The following ARHGEF17 variants were observed in gnomAD, a reference collection of about 807,000 sequenced individuals.
The protein encoded by ARHGEF17 is Rho guanine nucleotide exchange factor 17.
A neutral mutation model predicts 174.0 loss-of-function variants in ARHGEF17; 80 were observed. That is an observed-to-expected ratio of 0.46 (90% CI 0.38 to 0.55). ARHGEF17 has a LOEUF of 0.55. ARHGEF17 is among the 20% of genes least tolerant of loss of function. ARHGEF17 has a pLI of 0.00. For synonymous variants in ARHGEF17, 1,311 were observed against 1,189.1 expected, an observed-to-expected ratio of 1.10 and a Z score of -2.11; for missense variants, 2,886 against 2,839.7, an observed-to-expected ratio of 1.02 and a Z score of -0.37.
At chr11:73,356,585 G>A in intron 6 of ARHGEF17, 124 bp from the exon 7 acceptor site, 2 of 1,319,750 alleles carry the variant, frequency 1.5e-6, no homozygotes, top group Non-Finnish European at 2.1e-6. Flanking sequence ...GGCATTGAGG[G>A]TGGGAAGCAT....
chr11:73,340,958 C>T (rs1349468942), intron 1 of ARHGEF17, among the ~76,000 whole-genome samples: 14 of 152,192 alleles, frequency 9.2e-5, no homozygotes, highest in Admixed American at 9.2e-4. Context: ...AGGCAGAGAG[C>T]TATTCAGGCT....
Position 73,309,522 on chromosome 11 carries a change from T to G in ARHGEF17, c.884T>G (p.Leu295Arg). Residue 295 changes from leucine to arginine, a missense_variant, in exon 1 of 21, where the codon CTC (leucine) becomes CGC (arginine). By Grantham distance (102) the Leu-to-Arg change is moderately radical. This residue lies in a region of ARHGEF17 where 1,728 missense variants were observed against 1,461.2 expected (regional missense o/e 1.18). Transcript: ENST00000263674. ...CACCGCTGGGGAGGGAGGCCCGGGC[T>G]CAGGCCTGGAAGCTCCCTATTGGAT... Reference protein sequence around the residue: ...GGHRWGGRPGLRPGSSLLDQD... With the variant: ...GGHRWGGRPGRRPGSSLLDQD... 2 of 1,569,350 alleles carry G rather than the reference T, an allele frequency of 1.3e-6. No individual in the cohort carries two copies. Among genetic ancestry groups the G allele is most frequent in the Non-Finnish European group, 1.7e-6 (2 of 1,153,752 alleles).
At position 73,362,207 on chromosome 11, in the gene ARHGEF17, G is replaced by A; in HGVS notation, c.4662G>A (p.Gly1554=). Residue 1554 remains glycine, a synonymous_variant, in exon 13 of 21, where the codon GGG becomes GGA. Transcript: ENST00000263674. The part of the protein sequence containing the change: ...AVCSARILCI[G]AVPGLQPRCH... ...GTTCCGCCCGCATCCTCTGCATCGG[G>A]GCGGTGCCCGGGCTGCAGCCTCGCT... 1 of 1,554,928 alleles carries A rather than the reference G, an allele frequency of 6.4e-7. No homozygotes were observed. Among genetic ancestry groups the A allele is most frequent in the Non-Finnish European group, 8.7e-7 (1 of 1,154,950 alleles).
intron 1 of ARHGEF17, among the ~76,000 whole-genome samples, chr11:73,331,840 C>T (rs572480165): frequency 3.3e-5 from 5 of 152,256 alleles, no homozygotes; most frequent in African/African-American, 9.6e-5. Context: ...GCATCAGAGC[C>T]CAAAGGATTT....
Position 73,365,946 on chromosome 11 carries a change from A to C in ARHGEF17, c.5994A>C (p.Thr1998=), listed in dbSNP as rs1345452699. The C allele has an allele frequency of 6.3e-7, 1 of 1,599,980 alleles. No individual in the cohort carries two copies. The highest frequency in any genetic ancestry group is 8.5e-7 in the Non-Finnish European group (1 of 1,177,976). The part of the protein sequence containing the change: ...LCPTPPPPPD[T]GPEKLPSLEH... Reference sequence around the variant, plus strand: ...CAACCCCACCACCTCCCCCAGACACAGGTGGGTCAGTGCATCATACCCCAA... The same window carrying C: ...CAACCCCACCACCTCCCCCAGACACCGGTGGGTCAGTGCATCATACCCCAA... The change falls in exon 20 of 21, where the codon ACA becomes ACC. Residue 1998 remains threonine (T), a splice_region_variant and synonymous_variant. Coordinates refer to ENST00000263674, the MANE Select transcript of ARHGEF17 (RefSeq NM_014786.4). The surrounding 1 kb of genome is among the most constrained non-coding windows in gnomAD (Gnocchi z 4.9).
chr11:73,355,621 C>T lies in ARHGEF17; in HGVS notation c.3542C>T (p.Ala1181Val). The T allele has an allele frequency of 5.0e-6, 8 of 1,614,078 alleles. No individual in the cohort carries two copies. Among genetic ancestry groups the T allele is most frequent in the Non-Finnish European group, 5.9e-6 (7 of 1,179,926 alleles). ...GATGCTGTGCGTGTGGCCAAGGAGG[C>T]GAGGCCTGCCTTTCTCAAGTTCCTA... The part of the protein sequence containing the change: ...AKDAVRVAKE[A>V]RPAFLKFLEQ... Residue 1181 changes from alanine (A) to valine (V), a missense_variant, in exon 4 of 21, where the codon GCG becomes GTG. Ala to Val is a moderately conservative substitution (Grantham distance 64). This residue lies in a region of ARHGEF17 where 353 missense variants were observed against 470.3 expected (regional missense o/e 0.75). Coordinates refer to ENST00000263674, the MANE Select transcript of ARHGEF17 (RefSeq NM_014786.4).
intron 14 of ARHGEF17, 133 bp from the exon 15 acceptor site, chr11:73,363,073 G>C: frequency 7.9e-7 from 1 of 1,272,376 alleles, no homozygotes; most frequent in Non-Finnish European, 1.1e-6. Flanking sequence ...CAGCAGACCG[G>C]AGCAGGCCGG....
At chr11:73,340,056 G>A (rs57417688) in intron 1 of ARHGEF17, among the ~76,000 whole-genome samples, 3,276 of 152,268 alleles carry the variant, frequency 0.022, 124 homozygotes, top group African/African-American at 0.075. Context: ...TAGGGGTACC[G>A]TGGCCCACCT....
At position 73,362,550 on chromosome 11, in the gene ARHGEF17, G is replaced by T. The variant is rs770889670; in HGVS notation, c.4812G>T (p.Pro1604=). ...EEAATLAEPG[P]QPCLHISIAG... is the part of the protein sequence containing the mutation. ...CCGCGACGCTCGCGGAGCCGGGGCC[G>T]CAGCCCTGCCTTCACATCTCCATTG... is the stretch of plus-strand genomic sequence containing the variant. Residue 1604 remains proline (P), a synonymous_variant, in exon 14 of 21, where the codon CCG becomes CCT. Coordinates refer to ENST00000263674, the MANE Select transcript of ARHGEF17 (RefSeq NM_014786.4). 1.2e-6 allele frequency: 2 copies of T among 1,608,014 alleles called. No homozygotes were observed. Among genetic ancestry groups the T allele is most frequent in the African/African-American group, 1.3e-5 (1 of 75,034 alleles).
At chr11:73,346,016 T>C (rs1031832036) in intron 1 of ARHGEF17, among the ~76,000 whole-genome samples, 2 of 151,726 alleles carry the variant, frequency 1.3e-5, no homozygotes, top group Admixed American at 1.3e-4. Flanking sequence ...GTAAGTTCAG[T>C]CCCAGGGGCT....
In ARHGEF17 at chr11:73,365,446, C is replaced by T. The variant is rs374267409; in HGVS notation, c.5607C>T (p.Ser1869=). The change falls in exon 19 of 21, where the codon TCC becomes TCT. Residue 1869 remains serine (S), a synonymous_variant. Coordinates refer to ENST00000263674, the MANE Select transcript of ARHGEF17 (RefSeq NM_014786.4). The surrounding 1 kb of genome is among the most constrained non-coding windows in gnomAD (Gnocchi z 4.9). ...SSRCVACMVD[S]SLGVWVTLKG... ...GCTGCGTGGCTTGCATGGTGGACTCCAGCCTGGGTGTGTGGGTGACATTGA... is the reference window on the plus strand; with the variant it reads ...GCTGCGTGGCTTGCATGGTGGACTCTAGCCTGGGTGTGTGGGTGACATTGA... 1.7e-5 allele frequency: 27 copies of T among 1,613,938 alleles called. No individual in the cohort carries two copies. Among genetic ancestry groups the T allele is most frequent in the African/African-American group, 1.1e-4 (8 of 74,918 alleles).
chr11:73,310,042 C>G lies in ARHGEF17; in HGVS notation c.1404C>G (p.Ala468=), dbSNP rs139829094. The G allele has an allele frequency of 1.1e-5, 17 of 1,614,094 alleles. No individual in the cohort carries two copies. The highest frequency in any genetic ancestry group is 8.8e-5 in the South Asian group (8 of 91,092). The change falls in exon 1 of 21, where the codon GCC becomes GCG. Residue 468 remains alanine, a synonymous_variant. Coordinates refer to ENST00000263674, the MANE Select transcript of ARHGEF17 (RefSeq NM_014786.4). ...QRKSLSNPDI[A]SETLTLLSFL... ...AGTCCCTGTCAAATCCAGATATCGC[C>G]TCAGAGACCCTGACGCTTCTCAGTT...
chr11:73,352,713 C>A, intron 2 of ARHGEF17, 117 bp from the exon 3 acceptor site: 1 of 1,092,972 alleles, frequency 9.1e-7, no homozygotes, highest in Non-Finnish European at 1.3e-6. Context: ...ATGTGGAAGG[C>A]AGGGCGCTGA....
chr11:73,318,718 A>G (rs1864967681), intron 1 of ARHGEF17, among the ~76,000 whole-genome samples: 2 of 152,198 alleles, frequency 1.3e-5, no homozygotes, highest in South Asian at 4.1e-4. Flanking sequence ...GAACAGGGTG[A>G]GAGGGGAGGG....
At position 73,309,841 on chromosome 11, in the gene ARHGEF17, C is replaced by T. The variant is rs1420875621; in HGVS notation, c.1203C>T (p.Asp401=). The T allele has an allele frequency of 9.3e-6, 15 of 1,613,210 alleles. No individual in the cohort carries two copies. Among genetic ancestry groups the T allele is most frequent in the Non-Finnish European group, 1.3e-5 (15 of 1,180,020 alleles). Residue 401 remains aspartate (D), a synonymous_variant, in exon 1 of 21, where the codon GAC becomes GAT. Transcript: ENST00000263674. Reference sequence around the variant, plus strand: ...ATTCCAGCACGGAGACCCTCAAGGACGACGACCTATGGTCTAGTAGGGGTT... The same window carrying T: ...ATTCCAGCACGGAGACCCTCAAGGATGACGACCTATGGTCTAGTAGGGGTT... The part of the protein sequence containing the change: ...SRYSSTETLK[D]DDLWSSRGSG...
intron 16 of ARHGEF17, 112 bp downstream of exon 16, chr11:73,363,945 G>A: frequency 8.1e-7 from 1 of 1,231,774 alleles, no homozygotes; most frequent in South Asian, 1.3e-5. Flanking sequence ...TGTGGAGGCT[G>A]GAAGCCAGAG....
intron 9 of ARHGEF17, among the ~76,000 whole-genome samples, chr11:73,358,167 T>C (rs892910268): frequency 6.6e-6 from 1 of 152,154 alleles, no homozygotes; most frequent in Non-Finnish European, 1.5e-5. Flanking sequence ...GATGGGACAG[T>C]TTCTGTCAAA....
chr11:73,357,054 T>C lies in ARHGEF17; in HGVS notation c.3921T>C (p.Ser1307=), dbSNP rs138800410. 1.2e-6 allele frequency: 2 copies of C among 1,613,974 alleles called. No individual in the cohort carries two copies. Among genetic ancestry groups the C allele is most frequent in the Admixed American group, 3.3e-5 (2 of 60,004 alleles). ...CGATCGGTGGCAAGAAGGACCGGTC[T>C]CTCTTCCTGTTCACGGACCTCATCG... is the stretch of plus-strand genomic sequence containing the variant. The part of the protein sequence containing the change: ...VKAIGGKKDR[S]LFLFTDLIVC... The change falls in exon 8 of 21, where the codon TCT becomes TCC. Residue 1307 remains serine (S), a synonymous_variant. Transcript: ENST00000263674.
chr11:73,325,366 C>A (rs973820635), intron 1 of ARHGEF17, among the ~76,000 whole-genome samples: 12 of 152,140 alleles, frequency 7.9e-5, no homozygotes, highest in Non-Finnish European at 1.0e-4. Context: ...AAATTTCGTT[C>A]CAGGGCTGGG....
Sources: gnomAD v4.1 joint callset for allele counts (sites outside exome capture counted in the v4.1 genomes callset) on GRCh38, gnomAD v4.1.1 for gene constraint, gnomAD v4.1.1 regional missense constraint, Gnocchi (gnomAD v3.1) non-coding constraint, MANE v1.5 for transcripts, NCBI Gene and HGNC (gene_info 2026-07-23, HGNC 2026-07-21) for gene names.